Variants in PBX1 observed in about 807,000 individuals in gnomAD.
PBX1 encodes pre-B-cell leukemia transcription factor 1.
PBX1 carries 6 observed loss-of-function variants against 53.4 expected under a neutral mutation model. That is an observed-to-expected ratio of 0.11 (90% confidence interval 0.06 to 0.22). PBX1 has a LOEUF of 0.22. Ranked by LOEUF, PBX1 falls within the 10% of genes least tolerant of loss-of-function variation. PBX1 has a pLI of 1.00. For missense variants in PBX1, 251 were observed against 551.4 expected (o/e 0.46, Z 5.46); for synonymous variants, 204 against 212.3 (o/e 0.96, Z 0.34).
intron 2 of PBX1, among the ~76,000 whole-genome samples, chr1:164,863,221 T>C (rs537401537): frequency 6.6e-6 from 1 of 152,310 alleles, no homozygotes; most frequent in East Asian, 1.9e-4. Flanking sequence ...CGGTTTTACA[T>C]TGTAGCTGCA....
intron 2 of PBX1, among the ~76,000 whole-genome samples, chr1:164,739,627 A>C (rs1197005670): frequency 6.6e-6 from 1 of 152,112 alleles, no homozygotes; most frequent in African/African-American, 2.4e-5. Context: ...CTGTCTTTAA[A>C]AGTTTAGATG....
At chr1:164,784,415 G>A (rs775809700) in intron 2 of PBX1, among the ~76,000 whole-genome samples, 15 of 152,182 alleles carry the variant, frequency 9.9e-5, no homozygotes, top group Non-Finnish European at 1.8e-4. Flanking sequence ...GTGCCAAGTG[G>A]GGAACGTGTG....
intron 2 of PBX1, among the ~76,000 whole-genome samples, chr1:164,645,885 G>A (rs1048330763): frequency 2.6e-5 from 4 of 152,196 alleles, no homozygotes; most frequent in Non-Finnish European, 4.4e-5. Flanking sequence ...TGAGGCAGGA[G>A]TTGTGTGATA....
intron 2 of PBX1, among the ~76,000 whole-genome samples, chr1:164,604,180 A>T (rs1369099660): frequency 6.6e-6 from 1 of 152,012 alleles, no homozygotes; most frequent in African/African-American, 2.4e-5. Context: ...AGCTCAGGCA[A>T]TCCGCCTGCC....
intron 2 of PBX1, among the ~76,000 whole-genome samples, chr1:164,691,708 G>A (rs1028300718): frequency 8.5e-5 from 13 of 152,136 alleles, no homozygotes; most frequent in South Asian, 4.1e-4. Flanking sequence ...CTGATGTTGC[G>A]TCACCATAAA....
chr1:164,688,262 T>C (rs945917447), intron 2 of PBX1, among the ~76,000 whole-genome samples: 1 of 152,224 alleles, frequency 6.6e-6, no homozygotes, highest in Non-Finnish European at 1.5e-5. Flanking sequence ...ATTCACGTTA[T>C]TAAAAAACAT....
chr1:164,564,259 A>G (rs1051451638), intron 2 of PBX1, among the ~76,000 whole-genome samples: 9 of 152,066 alleles, frequency 5.9e-5, no homozygotes, highest in Admixed American at 5.9e-4. Context: ...CTGACATCCT[A>G]TTTATTTATT....
chr1:164,878,836 A>C (rs1672575604), intron 2 of PBX1, among the ~76,000 whole-genome samples: 1 of 152,230 alleles, frequency 6.6e-6, no homozygotes, highest in African/African-American at 2.4e-5. Flanking sequence ...GAACTTATAA[A>C]ATGTAATGCA....
chr1:164,760,012 C>T (rs750287491), intron 2 of PBX1, among the ~76,000 whole-genome samples: 2 of 152,158 alleles, frequency 1.3e-5, no homozygotes, highest in Admixed American at 6.5e-5. Flanking sequence ...TCCCCAAGCA[C>T]GCAGCCACAC....
chr1:164,708,220 C>A (rs558758077), intron 2 of PBX1, among the ~76,000 whole-genome samples: 3 of 152,096 alleles, frequency 2.0e-5, no homozygotes, highest in Non-Finnish European at 4.4e-5. Flanking sequence ...CTGGACTGCA[C>A]GCAGCCTTTT....
intron 2 of PBX1, among the ~76,000 whole-genome samples, chr1:164,598,549 T>C (rs1307471445): frequency 6.6e-6 from 1 of 152,198 alleles, no homozygotes; most frequent in African/African-American, 2.4e-5. Context: ...CCCAGAGTTC[T>C]CTGAGGAACA....
chr1:164,669,130 G>T (rs1389814749), intron 2 of PBX1, among the ~76,000 whole-genome samples: 4 of 152,034 alleles, frequency 2.6e-5, no homozygotes, highest in Non-Finnish European at 5.9e-5. Context: ...TGATTTTAGG[G>T]CTGTTTTGGT....
chr1:164,596,439 G>C (rs1266356142), intron 2 of PBX1, among the ~76,000 whole-genome samples: 2 of 152,164 alleles, frequency 1.3e-5, no homozygotes, highest in Non-Finnish European at 2.9e-5. Context: ...CATATATTTA[G>C]AGCAGTGGTT....
chr1:164,623,809 AT>A (rs1462452599), intron 2 of PBX1, among the ~76,000 whole-genome samples: 1 of 152,230 alleles, frequency 6.6e-6, no homozygotes, highest in African/African-American at 2.4e-5. Flanking sequence ...CGTTATGCTA[AT>A]GATCAAGAGA....
At chr1:164,578,498 C>G (rs1451594243) in intron 2 of PBX1, among the ~76,000 whole-genome samples, 2 of 152,176 alleles carry the variant, frequency 1.3e-5, no homozygotes, top group African/African-American at 4.8e-5. Flanking sequence ...ATTGCTTTAG[C>G]AAATATTTGT....
chr1:164,642,667 G>C (rs1301315405), intron 2 of PBX1: 3 of 152,184 alleles, frequency 2.0e-5, no homozygotes, highest in Non-Finnish European at 4.4e-5. Context: ...CAAGGACTTA[G>C]TGAACATGTG....
chr1:164,758,047 A>C (rs571823365), intron 2 of PBX1, among the ~76,000 whole-genome samples: 1 of 152,264 alleles, frequency 6.6e-6, no homozygotes, highest in East Asian at 1.9e-4. Context: ...TGGGCAGCAA[A>C]CCTACCCAGA....
chr1:164,625,243 T>G (rs1657959731), intron 2 of PBX1, among the ~76,000 whole-genome samples: 1 of 152,188 alleles, frequency 6.6e-6, no homozygotes, highest in Non-Finnish European at 1.5e-5. Flanking sequence ...AGTGTGAAAA[T>G]GCCCCAAGTT....
At chr1:164,577,840 C>G (rs1221364448) in intron 2 of PBX1, among the ~76,000 whole-genome samples, 1 of 152,216 alleles carries the variant, frequency 6.6e-6, no homozygotes, top group Non-Finnish European at 1.5e-5. Context: ...TTATTAATTT[C>G]ACAGGATGAA....
Sources: gnomAD v4.1 joint callset for allele counts (sites outside exome capture counted in the v4.1 genomes callset) on GRCh38, gnomAD v4.1.1 for gene constraint, MANE v1.5 for transcripts, NCBI Gene and HGNC (gene_info 2026-07-23, HGNC 2026-07-21) for gene names.